The following CACNA1C variants were observed in gnomAD, a reference collection of about 807,000 sequenced individuals.
CACNA1C encodes the protein voltage-dependent L-type calcium channel subunit alpha-1C.
In CACNA1C, 30 loss-of-function variants were observed where a neutral mutation model predicts 229.0. The observed-to-expected ratio is 0.13, with a 90% CI of 0.10 to 0.18. The LOEUF is 0.18. CACNA1C is among the 10% of genes least tolerant of loss of function. CACNA1C has a pLI of 1.00. For missense variants in CACNA1C, 1,658 were observed against 2,845.0 expected, an observed-to-expected ratio of 0.58 and a Z score of 9.49; for synonymous variants, 1,114 against 1,132.5, an observed-to-expected ratio of 0.98 and a Z score of 0.33.
rs1193431436 is a variant in CACNA1C at position 2,651,840 on chromosome 12, A to G, written c.4074+72A>G. 4 of 1,244,686 alleles carry G rather than the reference A, an allele frequency of 3.2e-6. No homozygotes were observed. The East Asian group carries it at 9.9e-5, about 31-fold the overall frequency. The allele number at this position is 1,244,686 out of a possible 1,614,324, so 77.1% of individuals were successfully genotyped here. A position where few individuals can be genotyped will look rare whatever the true frequency, so the allele number is the denominator to read the frequency against. On this transcript the variant is annotated intron_variant, in intron 32 of 46. Transcript: ENST00000399655. The surrounding 1 kb of genome is among the most constrained non-coding windows in gnomAD (Gnocchi z 5.4). ...GCGTGGCCCAGAACACAGCTGACACAAGGAGGAGCCCTCCACTCTGGGGCC... is the reference window on the plus strand; with the variant it reads ...GCGTGGCCCAGAACACAGCTGACACGAGGAGGAGCCCTCCACTCTGGGGCC...
At chr12:2,589,896 G>A (rs908353600) in intron 18 of CACNA1C, among the ~76,000 whole-genome samples, 1 of 152,184 alleles carries the variant, frequency 6.6e-6, no homozygotes, top group African/African-American at 2.4e-5. Context: ...TTGGAGAGAG[G>A]GAAAGAGAAA....
chr12:2,519,095 T>C (rs1003734875), intron 9 of CACNA1C, among the ~76,000 whole-genome samples: 11 of 152,218 alleles, frequency 7.2e-5, no homozygotes, highest in African/African-American at 2.7e-4. Context: ...GCAGCAGCAC[T>C]CCCTAACTGT....
At chr12:2,607,243 T>C in intron 26 of CACNA1C, 113 bp downstream of exon 26, 1 of 1,105,028 alleles carries the variant, frequency 9.0e-7, no homozygotes, top group Non-Finnish European at 1.3e-6. Flanking sequence ...AGGTCATATT[T>C]ACCTGGGTCC....
At position 2,154,685 on chromosome 12, in the gene CACNA1C, G is replaced by A. The variant is rs560791891; in HGVS notation, c.477+34255G>A. Among the ~76,000 whole-genome samples, 3 of 152,302 alleles carry A rather than the reference G, an allele frequency of 2.0e-5. No homozygotes were observed. In the South Asian group the frequency reaches 6.2e-4, roughly 32 times the overall value. The stretch of plus-strand genomic sequence containing the variant: ...GACTTATAAATGGGGAGAAACTGAA[G>A]CCTAGAACGCCCCCCTCTCTGATGA... On this transcript the variant is annotated intron_variant, in intron 3 of 46. Transcript: ENST00000399655.
chr12:2,339,713 A>T (rs568981918), intron 3 of CACNA1C, among the ~76,000 whole-genome samples: 10 of 152,330 alleles, frequency 6.6e-5, no homozygotes, highest in African/African-American at 2.4e-4. Flanking sequence ...TCAAGATGTC[A>T]TGAGGTGATA....
At chr12:2,228,562 C>T (rs770894687) in intron 3 of CACNA1C, among the ~76,000 whole-genome samples, 1 of 152,106 alleles carries the variant, frequency 6.6e-6, no homozygotes, top group African/African-American at 2.4e-5. Context: ...AAGGTATGTG[C>T]TAAAGAGGTA....
intron 3 of CACNA1C, among the ~76,000 whole-genome samples, chr12:2,239,745 G>A (rs962828844): frequency 6.6e-6 from 1 of 152,178 alleles, no homozygotes; most frequent in Non-Finnish European, 1.5e-5. Flanking sequence ...CACAGAGGCT[G>A]TGTGCCCGGC....
At chr12:2,143,204 G>A (rs1016763111) in intron 3 of CACNA1C, among the ~76,000 whole-genome samples, 1 of 151,176 alleles carries the variant, frequency 6.6e-6, no homozygotes. Flanking sequence ...TCGAACTCAG[G>A]TGATCCACCC....
At chr12:2,304,766 T>C (rs995682437) in intron 3 of CACNA1C, among the ~76,000 whole-genome samples, 1 of 152,004 alleles carries the variant, frequency 6.6e-6, no homozygotes, top group African/African-American at 2.4e-5. Context: ...GTTTCTAAAT[T>C]TAAAAAATGC....
chr12:2,687,693 C>A (rs1476850300), intron 45 of CACNA1C, among the ~76,000 whole-genome samples: 1 of 152,216 alleles, frequency 6.6e-6, no homozygotes, highest in Non-Finnish European at 1.5e-5. Context: ...GCATGCACCA[C>A]CATGCCTGGC....
intron 10 of CACNA1C, among the ~76,000 whole-genome samples, chr12:2,554,230 AGCACGAAGGAAAATCATGGT>A (rs2042854069): frequency 6.6e-6 from 1 of 152,222 alleles, no homozygotes. Context: ...GAACCTGAAA[AGCACGAAGGAAAATCATGGT>A]CTCCCAGAAG....
chr12:2,241,859 G>A (rs114088308), intron 3 of CACNA1C, among the ~76,000 whole-genome samples: 279 of 152,304 alleles, frequency 1.8e-3, no homozygotes, highest in African/African-American at 6.5e-3. Flanking sequence ...CAGTGGGTCC[G>A]CAGTAAATTT....
At chr12:2,360,322 C>T (rs1268352328) in intron 3 of CACNA1C, among the ~76,000 whole-genome samples, 1 of 152,098 alleles carries the variant, frequency 6.6e-6, no homozygotes, top group Non-Finnish European at 1.5e-5. Flanking sequence ...CTAGATCTTC[C>T]ACTGCCCGGG....
chr12:2,247,129 C>T (rs1455403633), intron 3 of CACNA1C, among the ~76,000 whole-genome samples: 1 of 152,082 alleles, frequency 6.6e-6, no homozygotes, highest in African/African-American at 2.4e-5. Context: ...AATTTTTTTC[C>T]AGTTTTCACC....
intron 1 of CACNA1C, among the ~76,000 whole-genome samples, chr12:2,039,912 G>A (rs1566004356): frequency 6.6e-6 from 1 of 152,128 alleles, no homozygotes; most frequent in Non-Finnish European, 1.5e-5. Context: ...TGTAGAGAGA[G>A]TGCTTCTGGA....
intron 1 of CACNA1C, among the ~76,000 whole-genome samples, chr12:2,109,150 G>A (rs767989331): frequency 2.6e-5 from 4 of 152,186 alleles, no homozygotes; most frequent in Non-Finnish European, 4.4e-5. Context: ...CTCACAGAAG[G>A]CACCAAGGCC....
chr12:2,071,192 G>T (rs1464158175), intron 1 of CACNA1C, among the ~76,000 whole-genome samples: 1 of 99,994 alleles, frequency 1.0e-5, no homozygotes, highest in African/African-American at 3.9e-5. Context: ...CTGCCTGCCT[G>T]CCTGCCTGCC....
rs1174949337 is a variant in CACNA1C at position 2,034,090 on chromosome 12, G to C, written c.139+62889G>C. Among the ~76,000 whole-genome samples, 1 of 152,136 alleles carries C rather than the reference G, an allele frequency of 6.6e-6. No individual in the cohort carries two copies. Among genetic ancestry groups the C allele is most frequent in the East Asian group, 1.9e-4 (1 of 5,186 alleles). ...CATTTTTAACATCTGCTACACCTTA[G>C]GCCGTTGGAACATACTAACTCATTT... On this transcript the variant is annotated intron_variant, in intron 1 of 46. Coordinates refer to the CACNA1C transcript ENST00000682462. This position sits in a 1 kb window ranked among gnomAD's most constrained non-coding sequence, Gnocchi z 4.1.
At position 2,677,403 on chromosome 12, in the gene CACNA1C, C is replaced by T. The variant is rs1569206381; in HGVS notation, c.4956+182C>T. 1 of 674,942 alleles carries T rather than the reference C, an allele frequency of 1.5e-6. No homozygotes were observed. The highest frequency in any genetic ancestry group is 2.0e-5 in the South Asian group (1 of 49,042). The allele number at this position is 674,942 out of a possible 1,614,324, so 41.8% of individuals were successfully genotyped here. A position where few individuals can be genotyped will look rare whatever the true frequency, so the allele number is the denominator to read the frequency against. ...GAAGGGGGTGATGTGCCCTTCCCTACCTGCCACCCACCGACTGCCCTCCAT... is the reference window on the plus strand; with the variant it reads ...GAAGGGGGTGATGTGCCCTTCCCTATCTGCCACCCACCGACTGCCCTCCAT... On this transcript the variant is annotated intron_variant, in intron 40 of 46. Transcript: ENST00000399655. This position sits in a 1 kb window ranked among gnomAD's most constrained non-coding sequence, Gnocchi z 7.4.
Sources: gnomAD v4.1 joint callset for allele counts (sites outside exome capture counted in the v4.1 genomes callset) on GRCh38, gnomAD v4.1.1 for gene constraint, Gnocchi (gnomAD v3.1) non-coding constraint, MANE v1.5 for transcripts, NCBI Gene and HGNC (gene_info 2026-07-23, HGNC 2026-07-21) for gene names.